Variants in UNC5C observed in about 807,000 individuals in gnomAD.
UNC5C encodes the protein netrin receptor UNC5C.
UNC5C carries 47 observed loss-of-function variants against 99.8 expected under a neutral mutation model. That is an observed-to-expected ratio of 0.47 (90% CI 0.37 to 0.60). The LOEUF is 0.60. Ranked by LOEUF, UNC5C falls within the 20% of genes least tolerant of loss-of-function variation. The pLI is 0.00. For synonymous variants in UNC5C, 487 were observed against 452.2 expected (o/e 1.08, Z -0.98); for missense variants, 1,062 against 1,165.9 (o/e 0.91, Z 1.30).
intron 5 of UNC5C, among the ~76,000 whole-genome samples, chr4:95,248,953 C>A (rs1739596905): frequency 6.6e-6 from 1 of 152,300 alleles, no homozygotes; most frequent in South Asian, 2.1e-4. Flanking sequence ...GAGCAACTTC[C>A]AGGCCTGCAA....
At chr4:95,322,510 C>T (rs1742727820) in intron 2 of UNC5C, among the ~76,000 whole-genome samples, 1 of 152,040 alleles carries the variant, frequency 6.6e-6, no homozygotes, top group Non-Finnish European at 1.5e-5. Flanking sequence ...CATACCATTC[C>T]AATCTAGTTG....
chr4:95,504,728 A>G (rs1721870377), intron 1 of UNC5C, among the ~76,000 whole-genome samples: 1 of 152,242 alleles, frequency 6.6e-6, no homozygotes, highest in African/African-American at 2.4e-5. Flanking sequence ...CCTTTGTGCC[A>G]AAATCAAATT....
At chr4:95,196,679 A>G (rs1306586754) in intron 12 of UNC5C, among the ~76,000 whole-genome samples, 1 of 145,748 alleles carries the variant, frequency 6.9e-6, no homozygotes, top group African/African-American at 2.6e-5. Flanking sequence ...CAGTTGCTTA[A>G]GACTGAGTGT....
chr4:95,506,041 G>T (rs570711421), intron 1 of UNC5C, among the ~76,000 whole-genome samples: 1 of 151,856 alleles, frequency 6.6e-6, no homozygotes, highest in South Asian at 2.1e-4. Context: ...AAAAGAAAAG[G>T]ATGAGAAAAC....
intron 3 of UNC5C, among the ~76,000 whole-genome samples, chr4:95,282,047 G>A (rs1401037008): frequency 2.0e-5 from 3 of 152,114 alleles, no homozygotes; most frequent in Admixed American, 2.0e-4. Context: ...GGAAAAGAAG[G>A]CCTGGTAGGA....
chr4:95,387,079 GT>G (rs11287511), intron 1 of UNC5C, among the ~76,000 whole-genome samples: 83,880 of 151,882 alleles, frequency 0.55, 23,384 homozygotes, highest in East Asian at 0.7. Context: ...ATGCTTTTAT[GT>G]TTTCTTTGAA....
intron 1 of UNC5C, among the ~76,000 whole-genome samples, chr4:95,443,088 T>A (rs1340352756): frequency 3.9e-5 from 6 of 152,058 alleles, no homozygotes; most frequent in Admixed American, 3.9e-4. Context: ...GAGGACTAGT[T>A]GATATTAATA....
At chr4:95,531,288 A>C (rs1578212194) in intron 1 of UNC5C, among the ~76,000 whole-genome samples, 1 of 152,184 alleles carries the variant, frequency 6.6e-6, no homozygotes, top group African/African-American at 2.4e-5. Context: ...CATTATGGGC[A>C]CCTGCTGCTG....
intron 14 of UNC5C, among the ~76,000 whole-genome samples, chr4:95,170,963 T>A (rs1736074964): frequency 1.3e-5 from 2 of 152,380 alleles, no homozygotes; most frequent in South Asian, 4.1e-4. Flanking sequence ...GTTAATGGCA[T>A]CCTCCAATTG....
At chr4:95,398,344 T>G (rs1207805801) in intron 1 of UNC5C, among the ~76,000 whole-genome samples, 2 of 152,118 alleles carry the variant, frequency 1.3e-5, no homozygotes, top group African/African-American at 2.4e-5. Flanking sequence ...CTGACCCCAG[T>G]GCTCCCCAAC....
At chr4:95,377,944 G>A (rs1440943658) in intron 1 of UNC5C, among the ~76,000 whole-genome samples, 1 of 152,132 alleles carries the variant, frequency 6.6e-6, no homozygotes, top group African/African-American at 2.4e-5. Context: ...TAAATATACA[G>A]CAAGTAGAGC....
intron 10 of UNC5C, among the ~76,000 whole-genome samples, chr4:95,213,519 G>T (rs1378304163): frequency 6.6e-6 from 1 of 152,202 alleles, no homozygotes; most frequent in African/African-American, 2.4e-5. Context: ...TCAGCTGCCA[G>T]CCTGCACTTT....
At chr4:95,212,570 G>A (rs1738109070) in intron 10 of UNC5C, among the ~76,000 whole-genome samples, 1 of 152,014 alleles carries the variant, frequency 6.6e-6, no homozygotes, top group African/African-American at 2.4e-5. Flanking sequence ...ACCTTCACAG[G>A]AGTATTTCTT....
rs530256290 is a variant in UNC5C, at chr4:95,307,598, G to A, written c.347-5849C>T. Reference sequence around the variant, plus strand: ...CTCTTCCAAAAAATTAAAGAAAAGAGACTACTTCCAAATTCATGTTACAAA... The same window carrying A: ...CTCTTCCAAAAAATTAAAGAAAAGAAACTACTTCCAAATTCATGTTACAAA... On this transcript the variant is annotated intron_variant, in intron 2 of 15. Transcript: ENST00000453304. Among the ~76,000 whole-genome samples the A allele has an allele frequency of 3.3e-5, 5 of 152,236 alleles. No individual in the cohort carries two copies. In the East Asian group the frequency reaches 9.6e-4, roughly 29 times the overall value.
At chr4:95,290,343 G>GT (rs36036934) in intron 3 of UNC5C, among the ~76,000 whole-genome samples, 1,842 of 148,210 alleles carry the variant, frequency 0.012, 38 homozygotes, top group African/African-American at 0.035. Context: ...GTTTGGTGGT[G>GT]TTTTTTTTTT....
At chr4:95,350,177 T>C (rs1046549248) in intron 1 of UNC5C, among the ~76,000 whole-genome samples, 1 of 151,980 alleles carries the variant, frequency 6.6e-6, no homozygotes, top group African/African-American at 2.4e-5. Context: ...ATGTGGAGGG[T>C]CTTACATAGG....
intron 12 of UNC5C, among the ~76,000 whole-genome samples, chr4:95,192,327 CCTCCCCTGCTCACCTT>C (rs1579216518): frequency 1.5e-5 from 2 of 136,752 alleles, no homozygotes; most frequent in Non-Finnish European, 3.2e-5. Context: ...CTGCTCACCT[CCTCCCCTGCTCACCTT>C]CTCCCCTGCT....
intron 3 of UNC5C, among the ~76,000 whole-genome samples, chr4:95,283,632 A>G (rs1401982139): frequency 1.3e-5 from 2 of 152,228 alleles, no homozygotes; most frequent in South Asian, 2.1e-4. Context: ...GGGGTGACGA[A>G]TGAATAAGAA....
Position 95,200,463 on chromosome 4 carries a change from T to C in UNC5C, c.2136+2268A>G, listed in dbSNP as rs373142973. Among the ~76,000 whole-genome samples, 13 of 152,238 alleles carry C rather than the reference T, an allele frequency of 8.5e-5. 1 individual carries two copies. In the East Asian group the frequency reaches 2.5e-3, roughly 29 times the overall value. On this transcript the variant is annotated intron_variant, in intron 12 of 15. Coordinates refer to ENST00000453304, the MANE Select transcript of UNC5C (RefSeq NM_003728.4). ...TTGCCTGGGCATGAAGCCTGCTTTC[T>C]CCACTTAACAGCTGTGTGACCTAGG...
Sources: allele counts gnomAD v4.1 joint callset (sites outside exome capture counted in the v4.1 genomes callset), GRCh38; gene constraint gnomAD v4.1.1; transcripts MANE v1.5; gene names NCBI Gene and HGNC (gene_info 2026-07-23, HGNC 2026-07-21).